The following LRIG1 variants were observed in gnomAD, a reference collection of about 807,000 sequenced individuals.
LRIG1 encodes leucine-rich repeats and immunoglobulin-like domains protein 1.
A neutral mutation model predicts 99.2 loss-of-function variants in LRIG1; 48 were observed. The observed-to-expected ratio is 0.48, with a 90% CI of 0.38 to 0.62. The LOEUF (loss-of-function observed/expected upper bound fraction) is 0.62. LRIG1 is among the 20% of genes least tolerant of loss of function. The probability of loss-of-function intolerance (pLI) is 0.00; values close to 1 mark genes in which losing one functional copy is unlikely to be tolerated. For missense variants in LRIG1, 1,646 were observed against 1,434.4 expected, an observed-to-expected ratio of 1.15 and a Z score of -2.38; for synonymous variants, 772 against 596.1, an observed-to-expected ratio of 1.29 and a Z score of -4.30.
chr3:66,495,265 T>C (rs1701200395), intron 1 of LRIG1, among the ~76,000 whole-genome samples: 1 of 152,178 alleles, frequency 6.6e-6, no homozygotes, highest in East Asian at 1.9e-4. Context: ...CTTCCCTGCC[T>C]GGGAATTTTT....
chr3:66,497,704 C>CA (rs71616223), intron 1 of LRIG1, among the ~76,000 whole-genome samples: 31,438 of 89,234 alleles, frequency 0.35, 5,886 homozygotes, highest in South Asian at 0.46. Context: ...GCACTGTTTA[C>CA]AAAAAAAAAA....
At chr3:66,395,444 A>C (rs1701808066) in intron 11 of LRIG1, among the ~76,000 whole-genome samples, 1 of 152,220 alleles carries the variant, frequency 6.6e-6, no homozygotes, top group Admixed American at 6.5e-5. Context: ...TAAATTAAGT[A>C]AAATCCACTC....
chr3:66,395,522 G>A (rs746633608), intron 11 of LRIG1, among the ~76,000 whole-genome samples: 24 of 152,274 alleles, frequency 1.6e-4, no homozygotes, highest in Non-Finnish European at 2.8e-4. Context: ...ATTTTGGAAA[G>A]TGCTTTTCCA....
intron 3 of LRIG1, among the ~76,000 whole-genome samples, chr3:66,419,012 AAAG>A (rs2106702455): frequency 6.6e-6 from 1 of 152,342 alleles, no homozygotes; most frequent in Non-Finnish European, 1.5e-5. Context: ...GGAAAAAAGA[AAAG>A]AAAACCTTTA....
rs375211825 is a variant in LRIG1 at position 66,386,316 on chromosome 3, G to T, written c.1469-15C>A. 136 of 1,610,296 alleles carry T rather than the reference G, an allele frequency of 8.4e-5. No individual in the cohort carries two copies. Among genetic ancestry groups the T allele is most frequent in the Non-Finnish European group, 1.1e-4 (129 of 1,177,592 alleles). ...CAGGAAGTCATCTGGGGAGAGAAGG[G>T]TCAACTGTAAAGCGCTGGGTTCTTG... On this transcript the variant is annotated splice_polypyrimidine_tract_variant and intron_variant, in intron 12 of 18. Coordinates refer to ENST00000273261, the MANE Select transcript of LRIG1 (RefSeq NM_015541.3).
chr3:66,404,313 C>T (rs967777327), intron 9 of LRIG1: 19 of 1,288,960 alleles, frequency 1.5e-5, no homozygotes, highest in Non-Finnish European at 1.7e-5. Flanking sequence ...CTGAGCTCCC[C>T]GTCACTGGGG....
chr3:66,466,945 C>A (rs1158444504), intron 1 of LRIG1, among the ~76,000 whole-genome samples: 1 of 152,228 alleles, frequency 6.6e-6, no homozygotes, highest in Non-Finnish European at 1.5e-5. Context: ...TGTCATAACA[C>A]AAATTTTCCC....
intron 2 of LRIG1, among the ~76,000 whole-genome samples, chr3:66,457,712 G>C (rs536214423): frequency 1.1e-3 from 170 of 152,304 alleles, no homozygotes; most frequent in Middle Eastern, 3.4e-3. Flanking sequence ...ACCCTAGTAA[G>C]GGGCAGAACC....
At chr3:66,412,626 A>C (rs994816926) in intron 6 of LRIG1, among the ~76,000 whole-genome samples, 1 of 152,180 alleles carries the variant, frequency 6.6e-6, no homozygotes, top group Non-Finnish European at 1.5e-5. Flanking sequence ...TTCAGGAGAG[A>C]GGGGCTGGGC....
chr3:66,476,583 G>A (rs1285349542), intron 1 of LRIG1, among the ~76,000 whole-genome samples: 3 of 152,168 alleles, frequency 2.0e-5, no homozygotes. Context: ...CCACACTGCA[G>A]TTCCTCAGTC....
chr3:66,403,548 C>T (rs1362670088), intron 9 of LRIG1, among the ~76,000 whole-genome samples: 1 of 152,098 alleles, frequency 6.6e-6, no homozygotes, highest in African/African-American at 2.4e-5. Flanking sequence ...CTTGGGCTGA[C>T]CTCTTGGGGC....
Position 66,405,245 on chromosome 3 carries a change from T to C in LRIG1, c.1113A>G (p.Ile371Met). The C allele has an allele frequency of 6.2e-7, 1 of 1,614,168 alleles. No individual in the cohort carries two copies. The highest frequency in any genetic ancestry group is 8.5e-7 in the Non-Finnish European group (1 of 1,180,014). The change falls in exon 9 of 19, where the codon ATA becomes ATG. Residue 371 changes from isoleucine to methionine, a missense_variant. Transcript: ENST00000273261. ...CTGAGAAGGCGCCGCTCGTGTCCTCTATTGTGCCCGAAATCTCGTTATGGT... is the reference window on the plus strand; with the variant it reads ...CTGAGAAGGCGCCGCTCGTGTCCTCCATTGTGCCCGAAATCTCGTTATGGT... ...DLDHNEISGT[I>M]EDTSGAFSGL... is the part of the protein sequence containing the mutation.
chr3:66,417,405 T>C, intron 3 of LRIG1, 139 bp from the exon 4 acceptor site: 1 of 906,334 alleles, frequency 1.1e-6, no homozygotes, highest in Non-Finnish European at 1.7e-6. Context: ...CCTGTTTCTT[T>C]TCCCATCAAG....
At chr3:66,403,479 C>G (rs1403959150) in intron 9 of LRIG1, among the ~76,000 whole-genome samples, 1 of 152,062 alleles carries the variant, frequency 6.6e-6, no homozygotes, top group Non-Finnish European at 1.5e-5. Context: ...TAACAAGTTC[C>G]CAGGAGTCTC....
At chr3:66,481,103 G>C (rs1464817182) in intron 1 of LRIG1, among the ~76,000 whole-genome samples, 1 of 152,180 alleles carries the variant, frequency 6.6e-6, no homozygotes, top group African/African-American at 2.4e-5. Context: ...GCACAGGTAT[G>C]CCAGTCCTCT....
chr3:66,452,526 T>C (rs1237215241), intron 2 of LRIG1, among the ~76,000 whole-genome samples: 1 of 152,172 alleles, frequency 6.6e-6, no homozygotes, highest in Non-Finnish European at 1.5e-5. Context: ...TGCCAGGTGA[T>C]GGGCTAGAAA....
chr3:66,382,130 G>T, intron 16 of LRIG1, 143 bp downstream of exon 16: 1 of 904,846 alleles, frequency 1.1e-6, no homozygotes, highest in Non-Finnish European at 1.7e-6. Context: ...CAAAATAGCA[G>T]CCCTTAGTCA....
intron 5 of LRIG1, among the ~76,000 whole-genome samples, chr3:66,413,368 C>A (rs1702528647): frequency 6.6e-6 from 1 of 152,222 alleles, no homozygotes; most frequent in Admixed American, 6.5e-5. Flanking sequence ...GTGGGTATGA[C>A]TCAAGGGGTG....
At chr3:66,434,673 G>C (rs190375988) in intron 3 of LRIG1, among the ~76,000 whole-genome samples, 1 of 151,628 alleles carries the variant, frequency 6.6e-6, no homozygotes, top group Non-Finnish European at 1.5e-5. Context: ...CTTGAACCCA[G>C]GAGGCAGAGG....
Sources: allele counts gnomAD v4.1 joint callset (sites outside exome capture counted in the v4.1 genomes callset), GRCh38; gene constraint gnomAD v4.1.1; transcripts MANE v1.5; gene names NCBI Gene and HGNC (gene_info 2026-07-23, HGNC 2026-07-21).